The following PHTF1 variants were observed in gnomAD, a reference collection of about 807,000 sequenced individuals.
The protein encoded by PHTF1 is protein PHTF1.
In PHTF1, 88 loss-of-function variants were observed where a neutral mutation model predicts 102.4. That is an observed-to-expected ratio of 0.86 (90% CI 0.72 to 1.03). The LOEUF (loss-of-function observed/expected upper bound fraction) is 1.03. Among genes scored for constraint, PHTF1 ranks in the 50% least tolerant of loss-of-function variants. The probability of loss-of-function intolerance (pLI) is 0.00; values close to 1 mark genes in which losing one functional copy is unlikely to be tolerated. For missense variants in PHTF1, 814 were observed against 909.5 expected (o/e 0.89, Z 1.35); for synonymous variants, 289 against 305.2 (o/e 0.95, Z 0.55).
chr1:113,734,681 G>A (rs1655207592), intron 5 of PHTF1, among the ~76,000 whole-genome samples: 1 of 152,212 alleles, frequency 6.6e-6, no homozygotes, highest in Non-Finnish European at 1.5e-5. Context: ...ATAACTTAAA[G>A]ATTTGAAAAG....
At chr1:113,749,424 G>C (rs938761561) in intron 3 of PHTF1, 1 of 152,184 alleles carries the variant, frequency 6.6e-6, no homozygotes, top group East Asian at 1.9e-4. Flanking sequence ...TTGACGAAAA[G>C]AAATTCCAGT....
At chr1:113,755,945 T>C (rs2101736310) in intron 3 of PHTF1, among the ~76,000 whole-genome samples, 1 of 151,462 alleles carries the variant, frequency 6.6e-6, no homozygotes, top group South Asian at 2.1e-4. Flanking sequence ...CGGGCCCCTG[T>C]AGTCCCAACT....
At chr1:113,705,731 A>G (rs1650037837) in intron 13 of PHTF1, 159 bp downstream of exon 13, 2 of 648,556 alleles carry the variant, frequency 3.1e-6, no homozygotes, top group South Asian at 2.1e-5. Flanking sequence ...TAAATAGTCA[A>G]TAACACAAAC....
At chr1:113,704,007 C>A in intron 15 of PHTF1, 74 bp downstream of exon 15, 1 of 887,312 alleles carries the variant, frequency 1.1e-6, no homozygotes, top group Non-Finnish European at 1.8e-6. Flanking sequence ...AGGACAGTGA[C>A]CTAAGTCTAA....
intron 3 of PHTF1, among the ~76,000 whole-genome samples, chr1:113,754,525 T>G (rs1658563814): frequency 6.6e-6 from 1 of 152,206 alleles, no homozygotes; most frequent in Non-Finnish European, 1.5e-5. Context: ...ACGTAATGGA[T>G]GCTTTCATTT....
intron 7 of PHTF1, among the ~76,000 whole-genome samples, chr1:113,717,286 G>C (rs1324746118): frequency 6.6e-6 from 1 of 152,018 alleles, no homozygotes; most frequent in Admixed American, 6.6e-5. Context: ...CCTTCACTAA[G>C]AGGAAGATAG....
chr1:113,710,346 G>A lies in PHTF1; in HGVS notation c.1177C>T (p.Arg393Trp), dbSNP rs201449052. The change falls in exon 11 of 19, where the codon CGG (arginine) becomes TGG (tryptophan). Residue 393 changes from arginine to tryptophan, a missense_variant. Physicochemically the swap from Arg to Trp is moderately radical, Grantham distance 101. Transcript: ENST00000369604. ...WDDLLHGPEC[R>W]SSVTSDSEGA... ...TCACTGTCACTGGTGACAGATGACC[G>A]GCACTCTGGGCCATGTAGCAGGTCG... The A allele has an allele frequency of 1.3e-5, 21 of 1,613,988 alleles. No homozygotes were observed. The highest frequency in any genetic ancestry group is 8.9e-5 in the East Asian group (4 of 44,884).
chr1:113,735,903 T>A (rs1468734944), intron 5 of PHTF1, among the ~76,000 whole-genome samples: 1 of 152,184 alleles, frequency 6.6e-6, no homozygotes, highest in Admixed American at 6.5e-5. Context: ...ACTGTCTACT[T>A]CCTTGGTAGA....
intron 3 of PHTF1, 94 bp from the exon 4 acceptor site, chr1:113,738,893 C>A (rs1030676731): frequency 4.6e-6 from 4 of 870,826 alleles, no homozygotes; most frequent in Non-Finnish European, 7.1e-6. Flanking sequence ...CTCTTGTAGC[C>A]CAGGCTGGAG....
chr1:113,743,583 G>A (rs888331469), intron 3 of PHTF1, among the ~76,000 whole-genome samples: 2 of 151,976 alleles, frequency 1.3e-5, no homozygotes, highest in African/African-American at 4.8e-5. Context: ...GTTAGATACC[G>A]TACATAACTG....
chr1:113,751,402 C>A (rs887129595), intron 3 of PHTF1, among the ~76,000 whole-genome samples: 2 of 152,130 alleles, frequency 1.3e-5, no homozygotes, highest in Non-Finnish European at 2.9e-5. Flanking sequence ...GCCCTGTTCC[C>A]CTCAATCCAT....
chr1:113,724,699 T>G, intron 7 of PHTF1, 60 bp downstream of exon 7: 1 of 1,365,384 alleles, frequency 7.3e-7, no homozygotes, highest in Non-Finnish European at 1.0e-6. Context: ...TATGGCCTGA[T>G]GATACTATAC....
At chr1:113,733,694 CTCTGA>C (rs1400555232) in intron 5 of PHTF1, among the ~76,000 whole-genome samples, 1 of 152,126 alleles carries the variant, frequency 6.6e-6, no homozygotes, top group Non-Finnish European at 1.5e-5. Flanking sequence ...TCTGCTAGTG[CTCTGA>C]TCTGAACTTT....
chr1:113,752,155 T>C (rs1658180575), intron 3 of PHTF1, among the ~76,000 whole-genome samples: 1 of 152,204 alleles, frequency 6.6e-6, no homozygotes, highest in African/African-American at 2.4e-5. Context: ...GAAATGCTAT[T>C]CCATTTATTT....
chr1:113,754,986 C>A (rs1052309398), intron 3 of PHTF1, among the ~76,000 whole-genome samples: 3 of 151,980 alleles, frequency 2.0e-5, no homozygotes. Flanking sequence ...CAACAAAATG[C>A]CTTAAACATT....
Position 113,724,773 on chromosome 1 carries a change from A to G in PHTF1, c.609T>C (p.Thr203=). ...SVPIIGGFWE[T]IFGNRIKRVK... ...AAGACTCCCACCTGTTGCCAAAGATAGTCTCCCAAAAACCACCAATAATGG... is the reference window on the plus strand; with the variant it reads ...AAGACTCCCACCTGTTGCCAAAGATGGTCTCCCAAAAACCACCAATAATGG... Residue 203 remains threonine, a synonymous_variant, in exon 7 of 19, where the codon ACT becomes ACC. Transcript: ENST00000369604. 1 of 1,598,266 alleles carries G rather than the reference A, an allele frequency of 6.3e-7. No individual in the cohort carries two copies. Among genetic ancestry groups the G allele is most frequent in the Non-Finnish European group, 8.5e-7 (1 of 1,175,542 alleles).
chr1:113,749,231 T>C (rs761804302), intron 3 of PHTF1, among the ~76,000 whole-genome samples: 9 of 152,208 alleles, frequency 5.9e-5, no homozygotes, highest in Non-Finnish European at 1.2e-4. Flanking sequence ...TTTTCTTCTT[T>C]TTCTTTAGGT....
intron 7 of PHTF1, among the ~76,000 whole-genome samples, chr1:113,715,648 C>CAAATAAA (rs1651874005): frequency 4.0e-5 from 1 of 24,962 alleles, no homozygotes. Flanking sequence ...AACCCTGTCT[C>CAAATAAA]AAAAAAAAAA....
At chr1:113,753,242 G>A (rs1349298277) in intron 3 of PHTF1, among the ~76,000 whole-genome samples, 1 of 152,112 alleles carries the variant, frequency 6.6e-6, no homozygotes, top group Admixed American at 6.5e-5. Flanking sequence ...TCTGGTTTAG[G>A]TTTCAGGGTA....
Sources: gnomAD v4.1 joint callset for allele counts (sites outside exome capture counted in the v4.1 genomes callset) on GRCh38, gnomAD v4.1.1 for gene constraint, MANE v1.5 for transcripts, NCBI Gene and HGNC (gene_info 2026-07-23, HGNC 2026-07-21) for gene names.